The following COL14A1 variants were observed in gnomAD, a reference collection of about 807,000 sequenced individuals.
COL14A1 encodes the protein collagen alpha-1(XIV) chain.
In COL14A1, 136 loss-of-function variants were observed where a neutral mutation model predicts 230.3. The ratio of observed to expected loss-of-function variants is 0.59; its 90% CI spans 0.51 to 0.68. The LOEUF (loss-of-function observed/expected upper bound fraction) is 0.68, where lower values mean the gene tolerates loss of function less well. Ranked by LOEUF, COL14A1 falls within the 30% of genes least tolerant of loss-of-function variation. The probability of loss-of-function intolerance (pLI) is 0.00; values close to 1 mark genes in which losing one functional copy is unlikely to be tolerated. For synonymous variants in COL14A1, 792 were observed against 784.1 expected (o/e 1.01, Z -0.17); for missense variants, 1,976 against 2,215.8 (o/e 0.89, Z 2.17).
rs1485660496 is a variant in COL14A1, at chr8:120,200,761, ATATATT to A, written c.877+1196_877+1201del. ...TATATATATATATATATATATATAT[ATATATT>A]ATTTTTCATCAGAGGAGGTTTCTGA... On this transcript the variant is annotated intron_variant, in intron 8 of 47. Transcript: ENST00000297848. Among the ~76,000 whole-genome samples, 28 of 86,158 alleles carry A rather than the reference ATATATT, an allele frequency of 3.2e-4. 1 individual carries two copies. The highest frequency in any genetic ancestry group is 3.7e-4 in the Non-Finnish European group (16 of 42,874). The allele number at this position is 86,158 out of a possible 152,430, so 56.5% of individuals were successfully genotyped here. A position where few individuals can be genotyped will look rare whatever the true frequency, so the allele number is the denominator to read the frequency against.
chr8:120,345,533 G>A lies in COL14A1; in HGVS notation c.5047G>A (p.Ala1683Thr). Residue 1683 changes from alanine (A) to threonine (T), a missense_variant, in exon 45 of 48, where the codon GCA becomes ACA. By Grantham distance (58) the Ala-to-Thr change is moderately conservative. This residue lies in a region of COL14A1 where 1,791 missense variants were observed against 2,019.5 expected (regional missense o/e 0.89). Coordinates refer to ENST00000297848, the MANE Select transcript of COL14A1 (RefSeq NM_021110.4). ...PPGTPGFPGN[A>T]GVPGTPGERG... ...AGGCACACCAGGCTTCCCCGGAAAT[G>A]CAGGCGTGCCAGGGACCCCAGGAGA... The A allele has an allele frequency of 6.4e-7, 1 of 1,568,526 alleles. No homozygotes were observed.
At chr8:120,255,397 T>C (rs1262064040) in intron 23 of COL14A1, 41 bp downstream of exon 23, 1 of 1,436,072 alleles carries the variant, frequency 7.0e-7, no homozygotes, top group Admixed American at 1.7e-5. Context: ...CAAGCATTTG[T>C]GTATTTGATT....
At chr8:120,296,706 G>A (rs1020481671) in intron 34 of COL14A1, among the ~76,000 whole-genome samples, 1 of 151,900 alleles carries the variant, frequency 6.6e-6, no homozygotes, top group Admixed American at 6.6e-5. Context: ...CCTTAATGAT[G>A]TTGTAATTAT....
intron 22 of COL14A1, among the ~76,000 whole-genome samples, chr8:120,253,750 CCT>C (rs1247315994): frequency 6.6e-6 from 1 of 151,918 alleles, no homozygotes; most frequent in East Asian, 1.9e-4. Context: ...ATGGTGAAAC[CCT>C]GTCTCTACTA....
intron 46 of COL14A1, among the ~76,000 whole-genome samples, chr8:120,367,479 G>C (rs1823443458): frequency 6.6e-6 from 1 of 152,174 alleles, no homozygotes; most frequent in East Asian, 1.9e-4. Context: ...CGATAGGACA[G>C]ACTATGCTAT....
intron 13 of COL14A1, among the ~76,000 whole-genome samples, chr8:120,214,970 G>A (rs914004084): frequency 7.2e-5 from 11 of 152,340 alleles, no homozygotes; most frequent in Admixed American, 3.9e-4. Context: ...GCCTATGAAT[G>A]AGCATGCGTG....
At chr8:120,280,217 T>G (rs2129897347) in intron 29 of COL14A1, 118 bp downstream of exon 29, 2 of 1,156,286 alleles carry the variant, frequency 1.7e-6, no homozygotes, top group South Asian at 2.9e-5. Context: ...CAGTACTGCT[T>G]GTTATATAGA....
At chr8:120,167,062 T>C (rs1280972324) in intron 4 of COL14A1, among the ~76,000 whole-genome samples, 1 of 152,076 alleles carries the variant, frequency 6.6e-6, no homozygotes, top group East Asian at 1.9e-4. Flanking sequence ...TTTAAAATCT[T>C]TTAAAATTTT....
At chr8:120,250,831 G>A in intron 22 of COL14A1, 65 bp downstream of exon 22, 2 of 1,570,694 alleles carry the variant, frequency 1.3e-6, no homozygotes, top group Non-Finnish European at 1.7e-6. Flanking sequence ...TTTTTGAGAT[G>A]GAGTCTCGCT....
At chr8:120,336,611 G>A (rs2130240498) in intron 42 of COL14A1, among the ~76,000 whole-genome samples, 1 of 152,160 alleles carries the variant, frequency 6.6e-6, no homozygotes, top group South Asian at 2.1e-4. Flanking sequence ...GTCACTGTCT[G>A]GCTTCAATCT....
At chr8:120,239,616 A>C (rs187141263) in intron 19 of COL14A1, among the ~76,000 whole-genome samples, 49 of 152,228 alleles carry the variant, frequency 3.2e-4, no homozygotes, top group African/African-American at 1.1e-3. Flanking sequence ...AAATAGATTG[A>C]ATTACAAATT....
chr8:120,369,282 C>T, intron 46 of COL14A1, 48 bp from the exon 47 acceptor site: 1 of 1,452,336 alleles, frequency 6.9e-7, no homozygotes, highest in Non-Finnish European at 9.1e-7. Flanking sequence ...CAAAACTCAC[C>T]CTGTTGTGGC....
At chr8:120,186,682 C>A (rs1297037316) in intron 5 of COL14A1, among the ~76,000 whole-genome samples, 5 of 152,186 alleles carry the variant, frequency 3.3e-5, no homozygotes, top group African/African-American at 1.2e-4. Flanking sequence ...TGTGGCAGGG[C>A]AGGAGGAGAG....
intron 4 of COL14A1, among the ~76,000 whole-genome samples, chr8:120,166,314 G>A (rs1006744070): frequency 6.6e-6 from 1 of 152,190 alleles, no homozygotes; most frequent in Non-Finnish European, 1.5e-5. Context: ...GGGTGACTGA[G>A]CCTGTTTCTA....
intron 42 of COL14A1, 139 bp from the exon 43 acceptor site, chr8:120,341,186 C>G: frequency 1.3e-6 from 1 of 796,872 alleles, no homozygotes. Context: ...TGTTTATTTT[C>G]TGTTGTTGTG....
chr8:120,310,433 A>G (rs1040659404), intron 37 of COL14A1, among the ~76,000 whole-genome samples: 2 of 152,092 alleles, frequency 1.3e-5, no homozygotes, highest in Non-Finnish European at 2.9e-5. Flanking sequence ...TTTCCAGGTA[A>G]TTTCTCAGGT....
At chr8:120,238,761 T>C (rs1818528930) in intron 19 of COL14A1, among the ~76,000 whole-genome samples, 1 of 152,172 alleles carries the variant, frequency 6.6e-6, no homozygotes, top group African/African-American at 2.4e-5. Flanking sequence ...AATCTCCTGG[T>C]CTGTGGGTTG....
chr8:120,224,730 G>C (rs934741133), intron 14 of COL14A1, among the ~76,000 whole-genome samples: 13 of 152,196 alleles, frequency 8.5e-5, no homozygotes, highest in Admixed American at 8.5e-4. Context: ...GAGCTATCAT[G>C]TATTACTTAG....
intron 5 of COL14A1, among the ~76,000 whole-genome samples, chr8:120,171,767 C>T (rs1816100002): frequency 6.6e-6 from 1 of 152,124 alleles, no homozygotes; most frequent in Admixed American, 6.6e-5. Context: ...TAACCTTTAA[C>T]TCTTTAAATA....
Sources: gnomAD v4.1 joint callset for allele counts (sites outside exome capture counted in the v4.1 genomes callset) on GRCh38, gnomAD v4.1.1 for gene constraint, gnomAD v4.1.1 regional missense constraint, MANE v1.5 for transcripts, NCBI Gene and HGNC (gene_info 2026-07-23, HGNC 2026-07-21) for gene names.